Variants in MCF2L observed in about 807,000 individuals in gnomAD.
The protein encoded by MCF2L is MCF.2 cell line derived transforming sequence like.
A neutral mutation model predicts 153.4 loss-of-function variants in MCF2L; 97 were observed. The ratio of observed to expected loss-of-function variants is 0.63; its 90% CI spans 0.54 to 0.75. The LOEUF (loss-of-function observed/expected upper bound fraction) is 0.75, where lower values mean the gene tolerates loss of function less well. Ranked by LOEUF, MCF2L falls within the 30% of genes least tolerant of loss-of-function variation. MCF2L has a pLI of 0.00. For missense variants in MCF2L, 1,347 were observed against 1,495.2 expected, an observed-to-expected ratio of 0.90 and a Z score of 1.64; for synonymous variants, 659 against 632.2, an observed-to-expected ratio of 1.04 and a Z score of -0.64.
chr13:113,034,952 C>T (rs530066248), intron 3 of MCF2L, among the ~76,000 whole-genome samples: 3 of 152,202 alleles, frequency 2.0e-5, no homozygotes, highest in East Asian at 1.9e-4. Context: ...CAGTCCCGGG[C>T]GGTGGCATCA....
rs2082999837 is a variant in MCF2L at position 112,993,937 on chromosome 13, G to A, written c.80-20826G>A. Among the ~76,000 whole-genome samples the A allele has an allele frequency of 2.1e-5, 3 of 142,384 alleles. 1 individual carries two copies. In the South Asian group the frequency reaches 7.7e-4, roughly 36 times the overall value. The allele number at this position is 142,384 out of a possible 152,430, so 93.4% of individuals were successfully genotyped here. A position where few individuals can be genotyped will look rare whatever the true frequency, so the allele number is the denominator to read the frequency against. On this transcript the variant is annotated intron_variant, in intron 1 of 29. Coordinates refer to ENST00000535094, the MANE Select transcript of MCF2L (RefSeq NM_001112732.3). This position sits in a 1 kb window ranked among gnomAD's most constrained non-coding sequence, Gnocchi z 4.6. Reference sequence around the variant, plus strand: ...CAGCTCGATTTCCCTTCAGATAAAAGGCACAATCACAACAGCAGCAAACAC... The same window carrying A: ...CAGCTCGATTTCCCTTCAGATAAAAAGCACAATCACAACAGCAGCAAACAC...
intron 1 of MCF2L, chr13:113,008,807 T>C (rs1236428077): frequency 6.6e-6 from 1 of 152,244 alleles, no homozygotes; most frequent in Non-Finnish European, 1.5e-5. Context: ...ATTTTCAGTC[T>C]GATCTGTTGG....
In MCF2L at chr13:113,094,424, G is replaced by A. The variant is rs1259459138; in HGVS notation, c.2954-90G>A. The A allele has an allele frequency of 1.2e-5, 16 of 1,383,746 alleles. No individual in the cohort carries two copies. In the East Asian group the frequency reaches 3.7e-4, roughly 32 times the overall value. 85.7% of individuals were successfully genotyped at this position (1,383,746 alleles called of 1,614,324 possible). A position where few individuals can be genotyped will look rare whatever the true frequency, so the allele number is the denominator to read the frequency against. On this transcript the variant is annotated intron_variant, in intron 26 of 29. Coordinates refer to ENST00000535094, the MANE Select transcript of MCF2L (RefSeq NM_001112732.3). ...GGGGCCCACGGCACACATTTCAGGG[G>A]GTCTGTGGGACTTAGCTGACCCCAC...
At chr13:112,920,071 G>A (rs541262593) in intron 2 of MCF2L, among the ~76,000 whole-genome samples, 9 of 152,094 alleles carry the variant, frequency 5.9e-5, no homozygotes, top group African/African-American at 2.2e-4. Flanking sequence ...CCCACAGTTT[G>A]GAGTTTTTCT....
rs111926610 is a variant in MCF2L at position 113,013,072 on chromosome 13, C to T, written c.80-1691C>T. Among the ~76,000 whole-genome samples the T allele has an allele frequency of 1.4e-3, 216 of 152,256 alleles. 1 individual carries two copies. The highest frequency in any genetic ancestry group is 4.7e-3 in the African/African-American group (195 of 41,524). On this transcript the variant is annotated intron_variant, in intron 1 of 29. Transcript: ENST00000535094. ...AGTGCCTCCTGGTTTCCTCTCAGGT[C>T]ACAGTCGCTCCTGGTGAGAGAGAAA...
intron 2 of MCF2L, among the ~76,000 whole-genome samples, chr13:113,016,656 C>A (rs114365884): frequency 0.013 from 2,029 of 152,286 alleles, 47 homozygotes; most frequent in African/African-American, 0.046. Context: ...TGCCCACCCC[C>A]TGGAGGCAGG....
rs546592405 is a variant in MCF2L at position 113,046,897 on chromosome 13, C to T, written c.369+1536C>T. On this transcript the variant is annotated intron_variant, in intron 4 of 29. Coordinates refer to ENST00000535094, the MANE Select transcript of MCF2L (RefSeq NM_001112732.3). The surrounding 1 kb of genome is among the most constrained non-coding windows in gnomAD (Gnocchi z 4.4). ...TTAACAGTGCGTTCGTTTGCTTTTG[C>T]GTCACTATAAAGACGTACTTGAGCT... is the stretch of plus-strand genomic sequence containing the variant. The T allele has an allele frequency of 4.7e-5, 13 of 273,942 alleles. No homozygotes were observed. The East Asian group carries it at 1.2e-3, about 25-fold the overall frequency. The allele number at this position is 273,942 out of a possible 1,614,324, so 17.0% of individuals were successfully genotyped here.
At chr13:112,968,546 C>A (rs1444069656), upstream of MCF2L, 1 of 1,551,762 alleles carries the variant, frequency 6.4e-7, no homozygotes, top group South Asian at 1.2e-5. Flanking sequence ...GATGCCCCTG[C>A]GGGGAGGGGC....
rs1045978063 is a variant in MCF2L, at chr13:113,090,162, T to G, written c.2953+434T>G. On this transcript the variant is annotated intron_variant, in intron 26 of 29. Transcript: ENST00000535094. Reference sequence around the variant, plus strand: ...TTGCTAACCTCAAAGGTCAGAAAGGTAAAAGTAGTGCCTGCCCCAAACCCA... The same window carrying G: ...TTGCTAACCTCAAAGGTCAGAAAGGGAAAAGTAGTGCCTGCCCCAAACCCA... The G allele has an allele frequency of 3.9e-6, 6 of 1,532,438 alleles. No homozygotes were observed. In the Admixed American group the frequency reaches 7.9e-5, roughly 20 times the overall value. The allele number at this position is 1,532,438 out of a possible 1,614,324, so 94.9% of individuals were successfully genotyped here.
chr13:113,065,291 G>C (rs966275492), intron 7 of MCF2L: 1 of 598,950 alleles, frequency 1.7e-6, no homozygotes. Flanking sequence ...GGAATAAAAG[G>C]AGTGTAAATG....
At chr13:112,926,764 A>G (rs1222268936) in intron 2 of MCF2L, among the ~76,000 whole-genome samples, 3 of 152,198 alleles carry the variant, frequency 2.0e-5, no homozygotes, top group Non-Finnish European at 4.4e-5. Context: ...CAGAAAGGGG[A>G]ACTCATAGGA....
At position 112,977,775 on chromosome 13, in the gene MCF2L, T is replaced by C. The variant is rs1002121554; in HGVS notation, c.79+8317T>C. On this transcript the variant is annotated intron_variant, in intron 1 of 29. Transcript: ENST00000535094. Reference sequence around the variant, plus strand: ...TCACTGCTTCCGTGAATACAAAGCCTGTCTGCGTCTGTCCTTGTGGATGAA... The same window carrying C: ...TCACTGCTTCCGTGAATACAAAGCCCGTCTGCGTCTGTCCTTGTGGATGAA... 4.7e-4 allele frequency among the ~76,000 whole-genome samples: 71 copies of C among 152,202 alleles called. 1 individual carries two copies. Among genetic ancestry groups the C allele is most frequent in the African/African-American group, 1.7e-3 (70 of 41,448 alleles).
intron 1 of MCF2L, chr13:113,010,327 G>A (rs1437960190): frequency 6.6e-6 from 1 of 152,208 alleles, no homozygotes; most frequent in Non-Finnish European, 1.5e-5. Flanking sequence ...CAACTTGCAA[G>A]AGGAAGGAAG....
chr13:112,933,424 G>A (rs1214379788), intron 2 of MCF2L, among the ~76,000 whole-genome samples: 5 of 152,328 alleles, frequency 3.3e-5, no homozygotes, highest in South Asian at 4.1e-4. Flanking sequence ...TGATGGCCCC[G>A]TGGGTCAGGA....
chr13:113,009,437 T>C (rs933050829), intron 1 of MCF2L: 1 of 152,266 alleles, frequency 6.6e-6, no homozygotes, highest in Non-Finnish European at 1.5e-5. Flanking sequence ...TAAGTGAGAA[T>C]TCTGCCAACC....
intron 2 of MCF2L, among the ~76,000 whole-genome samples, chr13:112,933,888 C>T (rs2081488519): frequency 6.6e-6 from 1 of 152,260 alleles, no homozygotes. Context: ...GCTCAGCTGG[C>T]ATGGCCTGGG....
At chr13:112,939,505 A>G (rs1036497101) in intron 2 of MCF2L, among the ~76,000 whole-genome samples, 1 of 152,200 alleles carries the variant, frequency 6.6e-6, no homozygotes. Flanking sequence ...ATAAAAATCC[A>G]ACCACAAACA....
rs922786855 is a variant in MCF2L, at chr13:113,053,405, T to C, written c.370-7188T>C. On this transcript the variant is annotated intron_variant, in intron 4 of 29. Coordinates refer to ENST00000535094, the MANE Select transcript of MCF2L (RefSeq NM_001112732.3). The surrounding 1 kb of genome is among the most constrained non-coding windows in gnomAD (Gnocchi z 4.4). ...GGAATATCCTTTCATCTGGTTTCCT[T>C]GTAATTAGGTTCCACGTGGTCCTTT... Among the ~76,000 whole-genome samples, 5 of 152,212 alleles carry C rather than the reference T, an allele frequency of 3.3e-5. No homozygotes were observed. The highest frequency in any genetic ancestry group is 7.3e-5 in the Non-Finnish European group (5 of 68,046).
At chr13:113,093,791 C>T (rs2035417914) in intron 26 of MCF2L, 1 of 152,432 alleles carries the variant, frequency 6.6e-6, no homozygotes, top group African/African-American at 2.4e-5. Flanking sequence ...TATTTAGCCC[C>T]AATGGCGTCT....
Sources: allele counts gnomAD v4.1 joint callset (sites outside exome capture counted in the v4.1 genomes callset), GRCh38; gene constraint gnomAD v4.1.1; non-coding constraint Gnocchi (gnomAD v3.1); transcripts MANE v1.5; gene names NCBI Gene and HGNC (gene_info 2026-07-23, HGNC 2026-07-21).